The following PHF24 variants were observed in gnomAD, a reference collection of about 807,000 sequenced individuals.
PHF24 encodes PHD finger protein 24, also known as Galpha inhibitory interacting protein.
PHF24 carries 25 observed loss-of-function variants against 42.6 expected under a neutral mutation model. The observed-to-expected ratio is 0.59, with a 90% CI of 0.43 to 0.82. PHF24 has a LOEUF of 0.82. PHF24 is among the 40% of genes least tolerant of loss of function. The pLI is 0.00. For synonymous variants in PHF24, 185 were observed against 204.8 expected (o/e 0.90, Z 0.83); for missense variants, 470 against 538.1 (o/e 0.87, Z 1.25).
At chr9:34,841,803 G>A in the PHF24 span, among the ~76,000 whole-genome samples, 1 of 152,214 alleles carries the variant, frequency 6.6e-6, no homozygotes, top group Non-Finnish European at 1.5e-5. Flanking sequence ...GTTGCAGTGA[G>A]CCGAGATTGC....
chr9:34,867,996 G>C, the PHF24 span, among the ~76,000 whole-genome samples: 1 of 152,154 alleles, frequency 6.6e-6, no homozygotes, highest in Non-Finnish European at 1.5e-5. Flanking sequence ...GTTGATTTTG[G>C]TAGTGATGGT....
chr9:34,895,664 G>GAT, the PHF24 span: 1 of 403,402 alleles, frequency 2.5e-6, no homozygotes, highest in Non-Finnish European at 4.4e-6. Context: ...AATGCAGATG[G>GAT]ATCCATAGGT....
At chr9:34,828,911 T>TATCTATATCTATATCTA in the PHF24 span, among the ~76,000 whole-genome samples, 1 of 143,360 alleles carries the variant, frequency 7.0e-6, no homozygotes, top group African/African-American at 2.6e-5. Flanking sequence ...TTGCATGGTT[T>TATCTATATCTATATCTA]TATCTATATC....
chr9:34,957,047 C>G (rs998310570), upstream of PHF24, among the ~76,000 whole-genome samples: 1 of 152,130 alleles, frequency 6.6e-6, no homozygotes, highest in Non-Finnish European at 1.5e-5. Flanking sequence ...AATGTCGAAA[C>G]TAACAGTAGA....
the PHF24 span, among the ~76,000 whole-genome samples, chr9:34,762,039 T>C: frequency 6.6e-6 from 1 of 152,024 alleles, no homozygotes; most frequent in East Asian, 1.9e-4. Flanking sequence ...TCATTTTTTA[T>C]GGCTGCATAG....
At chr9:34,928,459 T>A in the PHF24 span, among the ~76,000 whole-genome samples, 258 of 149,598 alleles carry the variant, frequency 1.7e-3, 1 homozygote, top group African/African-American at 5.9e-3. Context: ...AAATTAAAAA[T>A]TTTTTTAAAA....
the PHF24 span, chr9:34,833,017 C>T: frequency 1.3e-6 from 2 of 1,551,456 alleles, no homozygotes; most frequent in Admixed American, 2.0e-5. Context: ...ATCGCCAGGA[C>T]CCTCGGGGTG....
chr9:34,755,084 A>T, the PHF24 span, among the ~76,000 whole-genome samples: 1,875 of 152,170 alleles, frequency 0.012, 23 homozygotes, highest in Admixed American at 0.028. Flanking sequence ...GTTGGGGGGA[A>T]GTAGGATTGG....
chr9:34,771,486 A>G, the PHF24 span, among the ~76,000 whole-genome samples: 1 of 152,238 alleles, frequency 6.6e-6, no homozygotes, highest in Admixed American at 6.5e-5. Flanking sequence ...GTATATGACT[A>G]TAATTATAGA....
the PHF24 span, among the ~76,000 whole-genome samples, chr9:34,905,605 A>T: frequency 2.6e-5 from 4 of 152,282 alleles, no homozygotes; most frequent in African/African-American, 9.6e-5. Context: ...GGCTGAAGTG[A>T]TCTGGGAAAG....
the PHF24 span, chr9:34,709,934 G>A: frequency 6.2e-7 from 1 of 1,614,014 alleles, no homozygotes; most frequent in Admixed American, 1.7e-5. Context: ...AGGGGCTGCT[G>A]GCAAGCTCCT....
At chr9:34,725,989 T>C in the PHF24 span, 7 of 1,547,374 alleles carry the variant, frequency 4.5e-6, no homozygotes, top group South Asian at 8.3e-5. Flanking sequence ...AGTCATTATC[T>C]TGTCCCCCAG....
chr9:34,709,243 G>A, the PHF24 span: 1 of 937,832 alleles, frequency 1.1e-6, no homozygotes, highest in South Asian at 1.4e-5. Context: ...TGCAGATGGG[G>A]TGGTTAAAGC....
the PHF24 span, among the ~76,000 whole-genome samples, chr9:34,781,266 A>G: frequency 6.6e-6 from 1 of 152,248 alleles, no homozygotes; most frequent in African/African-American, 2.4e-5. Flanking sequence ...CATGTGGTAT[A>G]TAGATATAAT....
the PHF24 span, among the ~76,000 whole-genome samples, chr9:34,733,129 C>A: frequency 1.3e-5 from 2 of 152,204 alleles, no homozygotes; most frequent in Non-Finnish European, 2.9e-5. Flanking sequence ...TGAATTTGCA[C>A]TCTCACCAAA....
At chr9:34,888,652 G>T in the PHF24 span, among the ~76,000 whole-genome samples, 1 of 152,178 alleles carries the variant, frequency 6.6e-6, no homozygotes, top group Non-Finnish European at 1.5e-5. Context: ...ATTCCTAAAG[G>T]AAGGAGCACC....
At chr9:34,971,437 A>T in exon 2 of PHF24, 2 of 1,614,114 alleles carry the variant, frequency 1.2e-6, no homozygotes, top group Non-Finnish European at 8.5e-7. Flanking sequence ...CCGCCGTGGC[A>T]CTGTAGAGGG....
the PHF24 span, among the ~76,000 whole-genome samples, chr9:34,946,874 A>C: frequency 6.6e-6 from 1 of 152,234 alleles, no homozygotes; most frequent in Non-Finnish European, 1.5e-5. Context: ...TGCTCTGATG[A>C]ATAAGAAAGG....
chr9:34,968,643 C>G (rs1007855332), intron 1 of PHF24, among the ~76,000 whole-genome samples: 2 of 152,186 alleles, frequency 1.3e-5, no homozygotes, highest in East Asian at 3.9e-4. Context: ...GTGGCACATA[C>G]AAGCAGTGTT....
Sources: gnomAD v4.1 joint callset for allele counts (sites outside exome capture counted in the v4.1 genomes callset) on GRCh38, gnomAD v4.1.1 for gene constraint, MANE v1.5 for transcripts, NCBI Gene and HGNC (gene_info 2026-07-23, HGNC 2026-07-21) for gene names.